The following NTRK2 variants were observed in gnomAD, a reference collection of about 807,000 sequenced individuals.
The protein encoded by NTRK2 is neurotrophic receptor tyrosine kinase 2, also known as BDNF/NT-3 growth factors receptor.
NTRK2 carries 13 observed loss-of-function variants against 94.5 expected under a neutral mutation model. The ratio of observed to expected loss-of-function variants is 0.14; its 90% confidence interval spans 0.09 to 0.22. The LOEUF (loss-of-function observed/expected upper bound fraction) is 0.22, where lower values mean the gene tolerates loss of function less well. NTRK2 is among the 10% of genes least tolerant of loss of function. The pLI is 1.00. For synonymous variants in NTRK2, 372 were observed against 407.4 expected (o/e 0.91, Z 1.05); for missense variants, 639 against 1,071.2 (o/e 0.60, Z 5.63).
At chr9:84,895,047 T>G (rs971299882) in intron 14 of NTRK2, among the ~76,000 whole-genome samples, 4 of 152,050 alleles carry the variant, frequency 2.6e-5, no homozygotes, top group African/African-American at 9.7e-5. Flanking sequence ...CTTACCATAT[T>G]CAGGACAAAG....
chr9:84,845,386 T>C (rs1366296264), intron 12 of NTRK2, among the ~76,000 whole-genome samples: 2 of 152,206 alleles, frequency 1.3e-5, no homozygotes, highest in Non-Finnish European at 2.9e-5. Context: ...ATGGCTGTTA[T>C]AATTTCTTGG....
chr9:84,822,614 AAG>A, intron 12 of NTRK2, among the ~76,000 whole-genome samples: 1 of 152,184 alleles, frequency 6.6e-6, no homozygotes, highest in South Asian at 2.1e-4. Flanking sequence ...GTGGGTGAAT[AAG>A]AGAGGGATGG....
At chr9:84,840,167 CA>C (rs2074094142) in intron 12 of NTRK2, among the ~76,000 whole-genome samples, 1 of 151,896 alleles carries the variant, frequency 6.6e-6, no homozygotes, top group Non-Finnish European at 1.5e-5. Flanking sequence ...TGCCTGGCGT[CA>C]GTCATGCTCT....
intron 12 of NTRK2, among the ~76,000 whole-genome samples, chr9:84,808,659 A>G (rs1410933927): frequency 6.6e-6 from 1 of 152,238 alleles, no homozygotes; most frequent in Non-Finnish European, 1.5e-5. Flanking sequence ...GAGACTGGAG[A>G]CAGATATGAA....
intron 2 of NTRK2, among the ~76,000 whole-genome samples, chr9:84,672,592 G>T (rs2058768173): frequency 6.6e-6 from 1 of 152,160 alleles, no homozygotes; most frequent in South Asian, 2.1e-4. Flanking sequence ...ATATTGTTGT[G>T]TGTGTGTGGT....
chr9:84,973,968 C>A (rs768664114), intron 17 of NTRK2, among the ~76,000 whole-genome samples: 2 of 127,966 alleles, frequency 1.6e-5, no homozygotes, highest in Non-Finnish European at 3.3e-5. Context: ...TCTTTGTCGA[C>A]TGTTTATGTT....
chr9:84,750,447 T>G (rs773936931), intron 11 of NTRK2, among the ~76,000 whole-genome samples: 3 of 152,214 alleles, frequency 2.0e-5, no homozygotes, highest in Non-Finnish European at 4.4e-5. Context: ...ACAGCATTAA[T>G]GATTACTATG....
At chr9:84,734,486 A>G (rs1324339573) in intron 9 of NTRK2, among the ~76,000 whole-genome samples, 1 of 152,216 alleles carries the variant, frequency 6.6e-6, no homozygotes, top group Non-Finnish European at 1.5e-5. Flanking sequence ...TGAGCTTTCT[A>G]GACTTGGCCC....
At chr9:84,984,519 G>A (rs1454445212) in intron 17 of NTRK2, among the ~76,000 whole-genome samples, 2 of 151,968 alleles carry the variant, frequency 1.3e-5, no homozygotes, top group Non-Finnish European at 2.9e-5. Flanking sequence ...AAGATTTCTA[G>A]GTTCTGCCAC....
chr9:84,953,253 T>C (rs1486178695), intron 16 of NTRK2, among the ~76,000 whole-genome samples: 1 of 152,234 alleles, frequency 6.6e-6, no homozygotes, highest in Non-Finnish European at 1.5e-5. Context: ...AGAGGATAAC[T>C]TGTGTTTTCA....
At chr9:84,700,752 A>G (rs1051279277) in intron 2 of NTRK2, among the ~76,000 whole-genome samples, 14 of 152,044 alleles carry the variant, frequency 9.2e-5, no homozygotes, top group African/African-American at 2.9e-4. Flanking sequence ...TTTAACTCAC[A>G]TTGTTAACAG....
chr9:84,737,057 G>T (rs1339861338), intron 9 of NTRK2, among the ~76,000 whole-genome samples: 1 of 152,086 alleles, frequency 6.6e-6, no homozygotes, highest in East Asian at 1.9e-4. Context: ...TATTTTTCAG[G>T]ATCACATGAT....
At chr9:84,838,535 A>C (rs1308665215) in intron 12 of NTRK2, among the ~76,000 whole-genome samples, 1 of 152,104 alleles carries the variant, frequency 6.6e-6, no homozygotes, top group East Asian at 1.9e-4. Context: ...TTATTATCAG[A>C]CATGGGGTTG....
chr9:84,871,955 C>A, intron 14 of NTRK2: 1 of 1,590,722 alleles, frequency 6.3e-7, no homozygotes, highest in Non-Finnish European at 8.5e-7. Context: ...TCCTTAGCTT[C>A]CATAACCTAG....
At position 84,844,649 on chromosome 9, in the gene NTRK2, T is replaced by TCACACACA. The variant is rs10562034; in HGVS notation, c.1397-16353_1397-16346dup. On this transcript the variant is annotated intron_variant, in intron 12 of 18. Coordinates refer to ENST00000277120, the MANE Select transcript of NTRK2 (RefSeq NM_006180.6). ...TGAAAACTACAATGTAATACCTCAC[T>TCACACACA]CACACACACACACACACACACACAC... Among the ~76,000 whole-genome samples, 304 of 140,898 alleles carry TCACACACA rather than the reference T, an allele frequency of 2.2e-3. 1 individual carries two copies. The highest frequency in any genetic ancestry group is 7.4e-3 in the African/African-American group (278 of 37,558). The allele number at this position is 140,898 out of a possible 152,430, so 92.4% of individuals were successfully genotyped here. A position where few individuals can be genotyped will look rare whatever the true frequency, so the allele number is the denominator to read the frequency against.
chr9:84,691,398 G>A (rs1326324233), intron 2 of NTRK2, among the ~76,000 whole-genome samples: 1 of 152,046 alleles, frequency 6.6e-6, no homozygotes, highest in East Asian at 1.9e-4. Context: ...ATACAACTCA[G>A]GATGTTAGAC....
At chr9:84,771,241 G>A (rs926947902) in intron 12 of NTRK2, among the ~76,000 whole-genome samples, 1 of 152,150 alleles carries the variant, frequency 6.6e-6, no homozygotes, top group Non-Finnish European at 1.5e-5. Context: ...GCAGGAGATG[G>A]AAATTTCTTT....
chr9:84,883,142 G>A (rs1197522982), intron 14 of NTRK2, among the ~76,000 whole-genome samples: 1 of 152,156 alleles, frequency 6.6e-6, no homozygotes. Context: ...CTAGAGGTGA[G>A]GCCAAATAAT....
In NTRK2 at chr9:84,924,397, C is replaced by G. The variant is rs375789492; in HGVS notation, c.1634-9765C>G. On this transcript the variant is annotated intron_variant, in intron 14 of 18. Transcript: ENST00000277120. ...CAGGAAGAACTTTAGGGCACAGGGACACAGAGTCAGAGATAAGACTGTCTG... is the reference window on the plus strand; with the variant it reads ...CAGGAAGAACTTTAGGGCACAGGGAGACAGAGTCAGAGATAAGACTGTCTG... Among the ~76,000 whole-genome samples the G allele has an allele frequency of 2.0e-4, 31 of 152,272 alleles. 1 individual carries two copies. The highest frequency in any genetic ancestry group is 7.2e-4 in the African/African-American group (30 of 41,558).
Sources: allele counts gnomAD v4.1 joint callset (sites outside exome capture counted in the v4.1 genomes callset), GRCh38; gene constraint gnomAD v4.1.1; transcripts MANE v1.5; gene names NCBI Gene and HGNC (gene_info 2026-07-23, HGNC 2026-07-21).